Variants in KSR2 observed in about 807,000 individuals in gnomAD.
KSR2 encodes the protein kinase suppressor of ras 2.
In KSR2, 25 loss-of-function variants were observed where a neutral mutation model predicts 107.8. That is an observed-to-expected ratio of 0.23 (90% CI 0.17 to 0.32). The LOEUF (loss-of-function observed/expected upper bound fraction) is 0.32, where lower values mean the gene tolerates loss of function less well. Among genes scored for constraint, KSR2 ranks in the 10% least tolerant of loss-of-function variants. The pLI, the probability that KSR2 is intolerant of heterozygous loss-of-function variation, is 1.00. For missense variants in KSR2, 887 were observed against 1,268.9 expected, an observed-to-expected ratio of 0.70 and a Z score of 4.57; for synonymous variants, 480 against 507.0, an observed-to-expected ratio of 0.95 and a Z score of 0.71.
intron 4 of KSR2, among the ~76,000 whole-genome samples, chr12:117,747,235 T>C (rs1415764579): frequency 1.3e-5 from 2 of 152,184 alleles, no homozygotes; most frequent in Non-Finnish European, 2.9e-5. Flanking sequence ...ATATGCACCA[T>C]GGAATACTAT....
chr12:117,816,338 T>C (rs1891368424), intron 3 of KSR2, among the ~76,000 whole-genome samples: 1 of 152,008 alleles, frequency 6.6e-6, no homozygotes, highest in East Asian at 1.9e-4. Context: ...CCTCCAGCCA[T>C]GTGAATGGGT....
At chr12:117,862,644 C>G (rs1893339524) in intron 1 of KSR2, among the ~76,000 whole-genome samples, 1 of 151,750 alleles carries the variant, frequency 6.6e-6, no homozygotes, top group Admixed American at 6.6e-5. Context: ...GACCATCACT[C>G]AAAACAAAAC....
chr12:117,947,208 A>G (rs868014748), intron 1 of KSR2, among the ~76,000 whole-genome samples: 2 of 81,862 alleles, frequency 2.4e-5, no homozygotes, highest in Non-Finnish European at 4.7e-5. Flanking sequence ...AAGAAAGAAA[A>G]GAAAGAAAGA....
intron 5 of KSR2, among the ~76,000 whole-genome samples, chr12:117,628,439 CT>C (rs1402517893): frequency 6.6e-6 from 1 of 152,016 alleles, no homozygotes; most frequent in Non-Finnish European, 1.5e-5. Flanking sequence ...TTTAGTTTTC[CT>C]TCTAATAGTC....
intron 3 of KSR2, among the ~76,000 whole-genome samples, chr12:117,790,483 T>A (rs1402797635): frequency 6.6e-6 from 1 of 152,152 alleles, no homozygotes. Context: ...CAATCAGATA[T>A]GCATTTGTCT....
intron 3 of KSR2, among the ~76,000 whole-genome samples, chr12:117,844,094 A>G (rs959300369): frequency 1.3e-5 from 2 of 152,122 alleles, no homozygotes; most frequent in African/African-American, 2.4e-5. Flanking sequence ...ACTGTTCCAG[A>G]ACTAGCAGCC....
intron 4 of KSR2, among the ~76,000 whole-genome samples, chr12:117,740,943 C>T (rs1361692749): frequency 6.6e-6 from 1 of 152,088 alleles, no homozygotes; most frequent in African/African-American, 2.4e-5. Flanking sequence ...TTGGGGGAAT[C>T]CCCCATCTCA....
rs746740041 is a variant in KSR2, at chr12:117,460,636, C to G, written c.*6563G>C. 1.3e-5 allele frequency: 2 copies of G among 152,360 alleles called. No individual in the cohort carries two copies. Among genetic ancestry groups the G allele is most frequent in the Non-Finnish European group, 2.9e-5 (2 of 68,160 alleles). 9.4% of individuals were successfully genotyped at this position (152,360 alleles called of 1,614,324 possible). On this transcript the variant is annotated 3_prime_UTR_variant, in exon 20 of 20. Coordinates refer to ENST00000339824, the MANE Select transcript of KSR2 (RefSeq NM_173598.6). ...CTTTTCCTCTCTCTCTTTCCTGGTT[C>G]CAAGTTGCCAATAAGTCTCAGAGGC... is the stretch of plus-strand genomic sequence containing the variant.
At chr12:117,956,880 C>A (rs1030718611) in intron 1 of KSR2, among the ~76,000 whole-genome samples, 1 of 152,234 alleles carries the variant, frequency 6.6e-6, no homozygotes, top group Non-Finnish European at 1.5e-5. Context: ...CCACATGTGG[C>A]AAGTGGCTGC....
At chr12:117,708,292 G>A (rs1886608975) in intron 4 of KSR2, among the ~76,000 whole-genome samples, 1 of 152,142 alleles carries the variant, frequency 6.6e-6, no homozygotes, top group Non-Finnish European at 1.5e-5. Context: ...AGGGTCCAGT[G>A]GAGTCCAGTG....
chr12:117,557,912 G>T (rs191866827), intron 8 of KSR2, among the ~76,000 whole-genome samples: 33 of 152,234 alleles, frequency 2.2e-4, no homozygotes, highest in Admixed American at 3.9e-4. Context: ...TGGCAGCCAG[G>T]AAAAAGCCTT....
At chr12:117,793,920 G>T (rs1890431857) in intron 3 of KSR2, among the ~76,000 whole-genome samples, 1 of 128,180 alleles carries the variant, frequency 7.8e-6, no homozygotes, top group Admixed American at 8.2e-5. Context: ...ACACCAACAT[G>T]CACACACACC....
chr12:117,729,712 T>C (rs1887583049), intron 4 of KSR2, among the ~76,000 whole-genome samples: 2 of 152,110 alleles, frequency 1.3e-5, no homozygotes, highest in African/African-American at 4.8e-5. Context: ...ACCCATCCAT[T>C]CATTCATTTG....
At chr12:117,760,106 CA>C (rs985751859) in intron 4 of KSR2, among the ~76,000 whole-genome samples, 1 of 150,968 alleles carries the variant, frequency 6.6e-6, no homozygotes, top group Admixed American at 6.6e-5. Context: ...GACTCCGTCT[CA>C]AAAAAAAAGA....
At chr12:117,816,926 G>A (rs1388740601) in intron 3 of KSR2, among the ~76,000 whole-genome samples, 1 of 152,128 alleles carries the variant, frequency 6.6e-6, no homozygotes, top group Non-Finnish European at 1.5e-5. Flanking sequence ...TGTTTGGATG[G>A]ATTCCCATGT....
At chr12:117,529,362 T>C (rs190829441) in intron 12 of KSR2, among the ~76,000 whole-genome samples, 1 of 152,304 alleles carries the variant, frequency 6.6e-6, no homozygotes, top group East Asian at 1.9e-4. Context: ...ATTACAGTTG[T>C]GTGCCACCAC....
chr12:117,965,341 G>C (rs895255298), intron 1 of KSR2, among the ~76,000 whole-genome samples: 2 of 152,194 alleles, frequency 1.3e-5, no homozygotes, highest in African/African-American at 4.8e-5. Flanking sequence ...GTTACATGAA[G>C]AGAAACCATT....
At chr12:117,619,747 T>A (rs563264010) in intron 5 of KSR2, among the ~76,000 whole-genome samples, 1 of 151,788 alleles carries the variant, frequency 6.6e-6, no homozygotes, top group East Asian at 2.0e-4. Context: ...GGCCAATTAA[T>A]CATCTCATGT....
chr12:117,640,412 G>A (rs1320107861), intron 5 of KSR2, among the ~76,000 whole-genome samples: 6 of 151,302 alleles, frequency 4.0e-5, no homozygotes, highest in Admixed American at 1.3e-4. Flanking sequence ...CACCACGCCC[G>A]GCTAAATTTT....
Sources: allele counts gnomAD v4.1 joint callset (sites outside exome capture counted in the v4.1 genomes callset), GRCh38; gene constraint gnomAD v4.1.1; transcripts MANE v1.5; gene names NCBI Gene and HGNC (gene_info 2026-07-23, HGNC 2026-07-21).